Variants in LPXN observed in about 807,000 individuals in gnomAD.
LPXN encodes the protein leupaxin.
A neutral mutation model predicts 45.6 loss-of-function variants in LPXN; 28 were observed. The ratio of observed to expected loss-of-function variants is 0.61; its 90% CI spans 0.45 to 0.84. The LOEUF (loss-of-function observed/expected upper bound fraction) is 0.84, where lower values mean the gene tolerates loss of function less well. Among genes scored for constraint, LPXN ranks in the 40% least tolerant of loss-of-function variants. The probability of loss-of-function intolerance (pLI) is 0.00; values close to 1 mark genes in which losing one functional copy is unlikely to be tolerated. For synonymous variants in LPXN, 166 were observed against 169.9 expected, an observed-to-expected ratio of 0.98 and a Z score of 0.18; for missense variants, 459 against 475.0, an observed-to-expected ratio of 0.97 and a Z score of 0.31.
rs559697808 is a variant in LPXN, at chr11:58,559,371, T to C, written c.219-4431A>G. On this transcript the variant is annotated intron_variant, in intron 3 of 8. Transcript: ENST00000395074. ...ATCCTACAGAAAAATTGGACATATA[T>C]ATATAAATATATGTGCAAGGACATT... 6.6e-4 allele frequency among the ~76,000 whole-genome samples: 101 copies of C among 152,228 alleles called. 1 individual carries two copies. Among genetic ancestry groups the C allele is most frequent in the African/African-American group, 2.4e-3 (99 of 41,544 alleles).
chr11:58,549,830 T>C lies in LPXN; in HGVS notation c.698A>G (p.Glu233Gly), dbSNP rs1165204302. ...TCCGCAGTGAGAGCAGAAGAAGTGC[T>C]CTGGGTGCCAGGTCTGGTTCATTGC... is the stretch of plus-strand genomic sequence containing the variant. ...LTAMNQTWHP[E>G]HFFCSHCGEV... The change falls in exon 7 of 9, where the codon GAG becomes GGG. Residue 233 changes from glutamate (E) to glycine (G), a missense_variant. Coordinates refer to ENST00000395074, the MANE Select transcript of LPXN (RefSeq NM_004811.3). 6.2e-7 allele frequency: 1 copy of C among 1,614,176 alleles called. No individual in the cohort carries two copies. Among genetic ancestry groups the C allele is most frequent in the East Asian group, 2.2e-5 (1 of 44,880 alleles).
intron 1 of LPXN, among the ~76,000 whole-genome samples, chr11:58,573,067 G>T (rs1590592575): frequency 2.0e-5 from 3 of 152,038 alleles, no homozygotes; most frequent in African/African-American, 7.2e-5. Context: ...CCAACATGGA[G>T]AAAACCCGTC....
intron 7 of LPXN, among the ~76,000 whole-genome samples, chr11:58,547,957 T>A (rs1366192641): frequency 6.6e-6 from 1 of 150,764 alleles, no homozygotes; most frequent in African/African-American, 2.4e-5. Flanking sequence ...AAAGGAGAAA[T>A]TAAAAAAAAC....
At chr11:58,550,694 A>ATG (rs1854023024) in intron 5 of LPXN, among the ~76,000 whole-genome samples, 1 of 152,210 alleles carries the variant, frequency 6.6e-6, no homozygotes, top group Admixed American at 6.5e-5. Context: ...GAACAAAGGG[A>ATG]GCAGTGAGAA....
intron 7 of LPXN, among the ~76,000 whole-genome samples, chr11:58,544,528 G>A (rs529467240): frequency 6.6e-6 from 1 of 152,256 alleles, no homozygotes; most frequent in South Asian, 2.1e-4. Context: ...AGCTGGTTTC[G>A]AGAGTGGGAT....
chr11:58,543,454 C>T (rs1161716201), intron 7 of LPXN, among the ~76,000 whole-genome samples: 1 of 152,148 alleles, frequency 6.6e-6, no homozygotes, highest in African/African-American at 2.4e-5. Flanking sequence ...AAAATGAAGA[C>T]TATATTATCA....
At chr11:58,561,532 A>G (rs1341755346) in intron 3 of LPXN, among the ~76,000 whole-genome samples, 2 of 152,202 alleles carry the variant, frequency 1.3e-5, no homozygotes, top group African/African-American at 4.8e-5. Context: ...CCCAGAAGGT[A>G]CACTGGAGCT....
chr11:58,542,097 G>A (rs1030546860), intron 7 of LPXN, among the ~76,000 whole-genome samples: 1 of 151,700 alleles, frequency 6.6e-6, no homozygotes, highest in South Asian at 2.1e-4. Flanking sequence ...GCTAAATGAC[G>A]AGTTAATGGG....
chr11:58,535,319 C>T (rs559416661), intron 7 of LPXN, among the ~76,000 whole-genome samples: 12 of 152,236 alleles, frequency 7.9e-5, no homozygotes, highest in East Asian at 1.9e-4. Context: ...AAAGCTTATC[C>T]GCCACGATCA....
At chr11:58,533,777 C>G (rs1853466992) in intron 7 of LPXN, among the ~76,000 whole-genome samples, 1 of 151,868 alleles carries the variant, frequency 6.6e-6, no homozygotes, top group Non-Finnish European at 1.5e-5. Context: ...TCAGGAGACC[C>G]ATCTCACATG....
At chr11:58,532,871 C>T (rs554837294) in intron 7 of LPXN, among the ~76,000 whole-genome samples, 3 of 152,238 alleles carry the variant, frequency 2.0e-5, no homozygotes, top group Non-Finnish European at 4.4e-5. Flanking sequence ...AATCTTGCTG[C>T]TGCTCACTCT....
chr11:58,549,909 G>A, intron 6 of LPXN, 42 bp from the exon 7 acceptor site: 1 of 1,613,708 alleles, frequency 6.2e-7, no homozygotes, highest in Non-Finnish European at 8.5e-7. Flanking sequence ...TGCAGAAGTT[G>A]TAAAGCATGA....
At chr11:58,543,114 C>T (rs11229519) in intron 7 of LPXN, among the ~76,000 whole-genome samples, 30,219 of 152,064 alleles carry the variant, frequency 0.2, 3,222 homozygotes, top group Middle Eastern at 0.31. Flanking sequence ...CTCTCTCTCT[C>T]GCCATGCAGA....
intron 3 of LPXN, among the ~76,000 whole-genome samples, chr11:58,557,137 G>A (rs925944169): frequency 2.0e-5 from 3 of 152,126 alleles, no homozygotes; most frequent in African/African-American, 4.8e-5. Flanking sequence ...TAATATGCAG[G>A]TTTCTAAAGG....
chr11:58,563,511 A>G lies in LPXN; in HGVS notation c.218+644T>C, dbSNP rs1317551377. 2.0e-5 allele frequency among the ~76,000 whole-genome samples: 3 copies of G among 152,274 alleles called. No individual in the cohort carries two copies. The East Asian group carries it at 5.8e-4, about 29-fold the overall frequency. On this transcript the variant is annotated intron_variant, in intron 3 of 8. Coordinates refer to ENST00000395074, the MANE Select transcript of LPXN (RefSeq NM_004811.3). ...TTACTATCTATATTTTATGCTCTTTAATTTGTTTTCCAGAAAGTTGTCTGA... is the reference window on the plus strand; with the variant it reads ...TTACTATCTATATTTTATGCTCTTTGATTTGTTTTCCAGAAAGTTGTCTGA...
At chr11:58,564,965 T>G (rs1854484747) in intron 2 of LPXN, among the ~76,000 whole-genome samples, 1 of 152,108 alleles carries the variant, frequency 6.6e-6, no homozygotes, top group Admixed American at 6.5e-5. Flanking sequence ...CTGGAGCATC[T>G]GTGGAACCAC....
chr11:58,529,624 A>T lies in LPXN; in HGVS notation c.743-1433T>A, dbSNP rs1256997451. 6.5e-4 allele frequency among the ~76,000 whole-genome samples: 98 copies of T among 149,992 alleles called. No homozygotes were observed. The Middle Eastern group carries it at 0.01, about 16-fold the overall frequency. On this transcript the variant is annotated intron_variant, in intron 7 of 8. Coordinates refer to ENST00000395074, the MANE Select transcript of LPXN (RefSeq NM_004811.3). Reference sequence around the variant, plus strand: ...CTCTGTCTCAAAAAAAAAAAAAAAAAGTAAAAAAATTAAAATGGAAAAACA... The same window carrying T: ...CTCTGTCTCAAAAAAAAAAAAAAAATGTAAAAAAATTAAAATGGAAAAACA...
intron 2 of LPXN, among the ~76,000 whole-genome samples, chr11:58,567,824 G>T (rs955572757): frequency 1.3e-5 from 2 of 152,042 alleles, no homozygotes; most frequent in Non-Finnish European, 2.9e-5. Context: ...GTTTTGTTTT[G>T]AGCTAACTGC....
rs763872180 is a variant in LPXN, at chr11:58,527,682, C to T, written c.933G>A (p.Leu311=). The change falls in exon 9 of 9, where the codon CTG becomes CTA. Residue 311 remains leucine, a synonymous_variant. Coordinates refer to ENST00000395074, the MANE Select transcript of LPXN (RefSeq NM_004811.3). ...GGAGCTCACAGAATGGACGTCCATC[C>T]AGTTCAAAGAAGGAGCCAGTAGAAA... ...TSFSTGSFFE[L]DGRPFCELHY... The T allele has an allele frequency of 9.3e-6, 15 of 1,613,944 alleles. No individual in the cohort carries two copies. Among genetic ancestry groups the T allele is most frequent in the Non-Finnish European group, 1.2e-5 (14 of 1,180,000 alleles).
Sources: allele counts gnomAD v4.1 joint callset (sites outside exome capture counted in the v4.1 genomes callset), GRCh38; gene constraint gnomAD v4.1.1; transcripts MANE v1.5; gene names NCBI Gene and HGNC (gene_info 2026-07-23, HGNC 2026-07-21).